SLC9D1: variants seen among roughly 807,000 people sequenced by gnomAD.
SLC9D1 encodes putative LAG1-interacting protein.
At chr13:113,501,645 A>G in the SLC9D1 span, 2 of 828,488 alleles carry the variant, frequency 2.4e-6, no homozygotes, top group Non-Finnish European at 3.8e-6. Context: ...CTTCATTCCC[A>G]TCAGGTGAAA....
chr13:113,502,967 TG>T, the SLC9D1 span, among the ~76,000 whole-genome samples: 1 of 152,190 alleles, frequency 6.6e-6, no homozygotes. Context: ...AGCCCACGTG[TG>T]GGGGCTCCCA....
At chr13:113,528,841 T>G in the SLC9D1 span, 1 of 152,366 alleles carries the variant, frequency 6.6e-6, no homozygotes, top group Non-Finnish European at 1.5e-5. Flanking sequence ...GAATCAGTTC[T>G]TATTCCTTCT....
At chr13:113,498,859 C>A in the SLC9D1 span, among the ~76,000 whole-genome samples, 9 of 151,258 alleles carry the variant, frequency 6.0e-5, no homozygotes, top group African/African-American at 2.2e-4. Context: ...TTACCAGAAA[C>A]AGGTCCTAAT....
chr13:113,524,934 C>T, the SLC9D1 span, among the ~76,000 whole-genome samples: 247 of 151,944 alleles, frequency 1.6e-3, no homozygotes, highest in East Asian at 5.2e-3. Flanking sequence ...TTTTTTGTCT[C>T]GTTACTCTTT....
the SLC9D1 span, among the ~76,000 whole-genome samples, chr13:113,512,740 G>A: frequency 1.1e-4 from 13 of 121,070 alleles, no homozygotes; most frequent in South Asian, 2.8e-4. Context: ...GAGTGTAGAC[G>A]GAGAGAGTCA....
chr13:113,528,440 G>A, the SLC9D1 span: 9 of 152,200 alleles, frequency 5.9e-5, no homozygotes, highest in African/African-American at 1.9e-4. Flanking sequence ...CCCTGCTGTC[G>A]GTAGCTCAGC....
chr13:113,518,849 C>T, the SLC9D1 span, among the ~76,000 whole-genome samples: 1 of 152,210 alleles, frequency 6.6e-6, no homozygotes, highest in African/African-American at 2.4e-5. Context: ...TTTTAAAATT[C>T]TAAGCCAAGA....
At chr13:113,535,236 T>C in the SLC9D1 span, 1 of 152,248 alleles carries the variant, frequency 6.6e-6, no homozygotes, top group African/African-American at 2.4e-5. The surrounding 1 kb of genome is among the most constrained non-coding windows in gnomAD (Gnocchi z 4.1). Context: ...GCTAATTAAC[T>C]GTATAAGTTC....
chr13:113,511,052 ACTTGCTCGGAGC>A, the SLC9D1 span, among the ~76,000 whole-genome samples: 1 of 124,866 alleles, frequency 8.0e-6, no homozygotes. Context: ...GTGGAAGCCG[ACTTGCTCGGAGC>A]CTAGGCAGGA....
the SLC9D1 span, among the ~76,000 whole-genome samples, chr13:113,509,716 C>T: frequency 0.19 from 28,179 of 152,114 alleles, 3,448 homozygotes; most frequent in African/African-American, 0.35. Flanking sequence ...GTTGATGTAT[C>T]GTATTTATGT....
the SLC9D1 span, among the ~76,000 whole-genome samples, chr13:113,523,572 T>C: frequency 3.9e-5 from 6 of 152,250 alleles, no homozygotes; most frequent in African/African-American, 1.2e-4. Flanking sequence ...TATTAATCTT[T>C]CCAAAGAATT....
the SLC9D1 span, chr13:113,520,750 C>T: frequency 3.7e-5 from 57 of 1,552,690 alleles, no homozygotes; most frequent in Middle Eastern, 3.4e-4. Flanking sequence ...GCTTTGTGTA[C>T]GCAATTTGTT....
At chr13:113,516,304 C>G in the SLC9D1 span, among the ~76,000 whole-genome samples, 1 of 152,170 alleles carries the variant, frequency 6.6e-6, no homozygotes, top group East Asian at 1.9e-4. Flanking sequence ...GTGGCTCATG[C>G]CTGTAATCCC....
the SLC9D1 span, chr13:113,539,287 T>A: frequency 1.4e-6 from 2 of 1,464,258 alleles, no homozygotes; most frequent in Non-Finnish European, 1.9e-6. The surrounding 1 kb of genome is among the most constrained non-coding windows in gnomAD (Gnocchi z 4.8). Flanking sequence ...GGTCTCGGGG[T>A]GGCCTTGGGA....
At chr13:113,530,671 T>C in the SLC9D1 span, 1 of 152,192 alleles carries the variant, frequency 6.6e-6, no homozygotes, top group Non-Finnish European at 1.5e-5. Flanking sequence ...ACCTTGATCA[T>C]TCCTAGAGGA....
At chr13:113,521,513 G>A in the SLC9D1 span, among the ~76,000 whole-genome samples, 25 of 150,882 alleles carry the variant, frequency 1.7e-4, no homozygotes, top group South Asian at 1.1e-3. Context: ...ATGTGTCTGC[G>A]TGCATGTGTG....
At chr13:113,502,811 G>T in the SLC9D1 span, among the ~76,000 whole-genome samples, 1 of 152,240 alleles carries the variant, frequency 6.6e-6, no homozygotes, top group Non-Finnish European at 1.5e-5. Context: ...TGCTGGTTGA[G>T]CCTGGGACTA....
chr13:113,511,123 C>T, the SLC9D1 span, among the ~76,000 whole-genome samples: 1 of 151,624 alleles, frequency 6.6e-6, no homozygotes, highest in Non-Finnish European at 1.5e-5. Context: ...ACTCGGAAAC[C>T]TAGGCAGGAC....
At chr13:113,513,121 G>A in the SLC9D1 span, among the ~76,000 whole-genome samples, 1 of 152,182 alleles carries the variant, frequency 6.6e-6, no homozygotes, top group Non-Finnish European at 1.5e-5. Flanking sequence ...TGGCAGAAAA[G>A]ACAGGTGGTT....
Sources: allele counts gnomAD v4.1 joint callset (sites outside exome capture counted in the v4.1 genomes callset), GRCh38; gene constraint gnomAD v4.1.1; non-coding constraint Gnocchi (gnomAD v3.1); transcripts MANE v1.5; gene names NCBI Gene and HGNC (gene_info 2026-07-23, HGNC 2026-07-21).